TENM2: variants seen among roughly 807,000 people sequenced by gnomAD.
TENM2 encodes the protein teneurin-2.
A neutral mutation model predicts 245.2 loss-of-function variants in TENM2; 52 were observed. The ratio of observed to expected loss-of-function variants is 0.21; its 90% CI spans 0.17 to 0.27. TENM2 has a LOEUF of 0.27. Among genes scored for constraint, TENM2 ranks in the 10% least tolerant of loss-of-function variants. TENM2 has a pLI of 1.00. For synonymous variants in TENM2, 1,363 were observed against 1,438.9 expected (o/e 0.95, Z 1.19); for missense variants, 3,046 against 3,666.8 (o/e 0.83, Z 4.37).
At chr5:167,806,523 C>A (rs898078747) in intron 2 of TENM2, among the ~76,000 whole-genome samples, 1 of 152,100 alleles carries the variant, frequency 6.6e-6, no homozygotes, top group African/African-American at 2.4e-5. Flanking sequence ...TTCCCTATTG[C>A]CTTTCACTAC....
intron 1 of TENM2, among the ~76,000 whole-genome samples, chr5:167,332,243 G>A (rs137890049): frequency 8.9e-4 from 136 of 152,182 alleles, no homozygotes; most frequent in African/African-American, 3.2e-3. Flanking sequence ...TCTTTGTTGA[G>A]GCTCTATTTT....
intron 2 of TENM2, among the ~76,000 whole-genome samples, chr5:167,798,528 G>A (rs543538149): frequency 6.6e-6 from 1 of 152,288 alleles, no homozygotes; most frequent in South Asian, 2.1e-4. Context: ...ACTGAAGAGG[G>A]GCTGTGCAGT....
chr5:167,313,997 C>T (rs144015094), intron 1 of TENM2, among the ~76,000 whole-genome samples: 173 of 152,230 alleles, frequency 1.1e-3, no homozygotes, highest in African/African-American at 3.3e-3. Flanking sequence ...GACCCTCTAC[C>T]GGATTATGTC....
At chr5:167,815,260 A>ACGCTGC (rs1357336482) in intron 2 of TENM2, among the ~76,000 whole-genome samples, 1 of 152,134 alleles carries the variant, frequency 6.6e-6, no homozygotes, top group Non-Finnish European at 1.5e-5. Context: ...AAAAGAGTGG[A>ACGCTGC]CGCTGCACTG....
At chr5:167,976,793 T>C (rs1782474039) in intron 4 of TENM2, among the ~76,000 whole-genome samples, 4 of 152,180 alleles carry the variant, frequency 2.6e-5, no homozygotes, top group African/African-American at 7.2e-5. Flanking sequence ...AAAACTTTTG[T>C]TTAAAAATTT....
At chr5:168,028,758 G>A (rs1434364892) in intron 5 of TENM2, among the ~76,000 whole-genome samples, 1 of 150,722 alleles carries the variant, frequency 6.6e-6, no homozygotes, top group African/African-American at 2.4e-5. Flanking sequence ...AATCGAGCAG[G>A]GTTGATGTTA....
chr5:167,875,343 AAAC>A (rs1773330127), intron 2 of TENM2, among the ~76,000 whole-genome samples: 1 of 152,154 alleles, frequency 6.6e-6, no homozygotes, highest in Non-Finnish European at 1.5e-5. Context: ...TGGTGTGTTC[AAAC>A]AACAGAAATA....
At chr5:168,212,372 C>T (rs1374993564) in intron 20 of TENM2, among the ~76,000 whole-genome samples, 1 of 152,174 alleles carries the variant, frequency 6.6e-6, no homozygotes, top group East Asian at 1.9e-4. Context: ...CACACTAGTA[C>T]AATTCACAGA....
At chr5:167,061,234 C>T in the TENM2 span, among the ~76,000 whole-genome samples, 52 of 152,208 alleles carry the variant, frequency 3.4e-4, no homozygotes, top group East Asian at 9.3e-3. Flanking sequence ...AACCCTAATG[C>T]TCCTATTATA....
At chr5:168,193,312 G>A (rs760496859) in intron 14 of TENM2, among the ~76,000 whole-genome samples, 1 of 152,088 alleles carries the variant, frequency 6.6e-6, no homozygotes, top group Non-Finnish European at 1.5e-5. Flanking sequence ...AAAAGAACTC[G>A]AAAATTCAAG....
At chr5:167,873,913 A>G (rs1472134610) in intron 2 of TENM2, among the ~76,000 whole-genome samples, 1 of 152,128 alleles carries the variant, frequency 6.6e-6, no homozygotes, top group Non-Finnish European at 1.5e-5. Context: ...CTATTCTGTT[A>G]CTGTACAGGA....
chr5:167,287,068 G>A (rs1261915704), intron 1 of TENM2, among the ~76,000 whole-genome samples: 2 of 152,192 alleles, frequency 1.3e-5, no homozygotes, highest in African/African-American at 2.4e-5. Flanking sequence ...AGCATCAGAA[G>A]GTATTTGCAT....
the TENM2 span, among the ~76,000 whole-genome samples, chr5:167,110,410 A>C: frequency 6.6e-6 from 1 of 152,162 alleles, no homozygotes; most frequent in African/African-American, 2.4e-5. Flanking sequence ...TCACCATTCA[A>C]AGTCATCCTA....
the TENM2 span, among the ~76,000 whole-genome samples, chr5:167,126,740 T>G: frequency 6.6e-6 from 1 of 152,266 alleles, no homozygotes; most frequent in South Asian, 2.1e-4. Flanking sequence ...TATTTTAGTT[T>G]AAAAATTATA....
chr5:167,976,174 C>T (rs1010426301), intron 4 of TENM2, among the ~76,000 whole-genome samples: 2 of 152,090 alleles, frequency 1.3e-5, no homozygotes, highest in Admixed American at 1.3e-4. Context: ...CCAGCAAATG[C>T]ATCTTGAGCA....
At chr5:167,655,991 C>T (rs1188460022) in intron 2 of TENM2, among the ~76,000 whole-genome samples, 1 of 152,120 alleles carries the variant, frequency 6.6e-6, no homozygotes. Flanking sequence ...AATTTGTTAA[C>T]AAAAGACCTG....
At chr5:167,654,469 T>C (rs1754700726) in intron 2 of TENM2, among the ~76,000 whole-genome samples, 1 of 152,298 alleles carries the variant, frequency 6.6e-6, no homozygotes, top group Admixed American at 6.5e-5. Context: ...ATCCTGGTAG[T>C]GGAGTAACTA....
chr5:167,547,635 G>A (rs951890439), intron 2 of TENM2, among the ~76,000 whole-genome samples: 4 of 152,174 alleles, frequency 2.6e-5, no homozygotes, highest in Non-Finnish European at 5.9e-5. Flanking sequence ...AGTTTGCACA[G>A]TTTAACTTTC....
intron 2 of TENM2, among the ~76,000 whole-genome samples, chr5:167,705,024 A>G (rs751457262): frequency 1.3e-5 from 2 of 152,190 alleles, no homozygotes; most frequent in Admixed American, 6.5e-5. Flanking sequence ...AAAAGTCACC[A>G]TCAAGAAACT....
Sources: allele counts gnomAD v4.1 joint callset (sites outside exome capture counted in the v4.1 genomes callset), GRCh38; gene constraint gnomAD v4.1.1; transcripts MANE v1.5; gene names NCBI Gene and HGNC (gene_info 2026-07-23, HGNC 2026-07-21).